Variants in PLCL1 observed in about 807,000 individuals in gnomAD.
PLCL1 encodes inactive phospholipase C-like protein 1.
Under a neutral mutation model 84.4 loss-of-function variants are expected in PLCL1, and 41 were observed. The ratio of observed to expected loss-of-function variants is 0.49; its 90% CI spans 0.38 to 0.63. PLCL1 has a LOEUF of 0.63. PLCL1 is among the 30% of genes least tolerant of loss of function. The pLI, the probability that PLCL1 is intolerant of heterozygous loss-of-function variation, is 0.00. For synonymous variants in PLCL1, 490 were observed against 488.3 expected (o/e 1.00, Z -0.05); for missense variants, 1,206 against 1,367.8 (o/e 0.88, Z 1.87).
intron 1 of PLCL1, among the ~76,000 whole-genome samples, chr2:197,851,842 T>A (rs1294355679): frequency 6.6e-6 from 1 of 152,166 alleles, no homozygotes; most frequent in Non-Finnish European, 1.5e-5. Flanking sequence ...CCTGGCCCCA[T>A]TCCCCTGACT....
At chr2:197,942,446 T>G (rs1291585829) in intron 1 of PLCL1, among the ~76,000 whole-genome samples, 1 of 152,184 alleles carries the variant, frequency 6.6e-6, no homozygotes, top group Non-Finnish European at 1.5e-5. Context: ...CCACTAAAAT[T>G]TATGGTTCTT....
At chr2:197,949,247 C>T (rs1016705846) in intron 1 of PLCL1, among the ~76,000 whole-genome samples, 1 of 152,152 alleles carries the variant, frequency 6.6e-6, no homozygotes, top group African/African-American at 2.4e-5. Context: ...ATCAATTCTA[C>T]AACTAGGGAG....
intron 5 of PLCL1, among the ~76,000 whole-genome samples, chr2:198,134,638 T>C (rs1434472022): frequency 6.6e-6 from 1 of 152,162 alleles, no homozygotes; most frequent in Admixed American, 6.5e-5. Context: ...TTAAAAGCAT[T>C]ATGATTTAGC....
chr2:197,975,791 G>T (rs1224218651), intron 1 of PLCL1, among the ~76,000 whole-genome samples: 1 of 152,030 alleles, frequency 6.6e-6, no homozygotes, highest in African/African-American at 2.4e-5. Context: ...GGCAGCCTGG[G>T]TAACACAGCG....
At chr2:197,861,831 G>T (rs1687438689) in intron 1 of PLCL1, among the ~76,000 whole-genome samples, 1 of 152,174 alleles carries the variant, frequency 6.6e-6, no homozygotes, top group Non-Finnish European at 1.5e-5. Context: ...CAGTATAGGA[G>T]AAACTGACTT....
At chr2:197,895,649 AT>A (rs1436509514) in intron 1 of PLCL1, among the ~76,000 whole-genome samples, 2 of 151,996 alleles carry the variant, frequency 1.3e-5, no homozygotes, top group African/African-American at 4.8e-5. Context: ...TTGCATACAC[AT>A]TTGGTAAATA....
intron 1 of PLCL1, among the ~76,000 whole-genome samples, chr2:197,893,857 G>A (rs1688079727): frequency 6.6e-6 from 1 of 151,998 alleles, no homozygotes; most frequent in Non-Finnish European, 1.5e-5. Flanking sequence ...AGAAGCTGGA[G>A]GTAGGCAGTT....
At chr2:198,061,444 G>A (rs1470367884) in intron 1 of PLCL1, among the ~76,000 whole-genome samples, 4 of 152,094 alleles carry the variant, frequency 2.6e-5, no homozygotes, top group Admixed American at 6.5e-5. Context: ...CAGTGAAGGA[G>A]GGTGGGCAGG....
At chr2:197,867,182 C>A (rs1380043662) in intron 1 of PLCL1, among the ~76,000 whole-genome samples, 2 of 152,144 alleles carry the variant, frequency 1.3e-5, no homozygotes, top group Non-Finnish European at 2.9e-5. Flanking sequence ...AAGGGCATTT[C>A]TGCAATGCCT....
chr2:198,007,790 A>G (rs1690764896), intron 1 of PLCL1, among the ~76,000 whole-genome samples: 2 of 152,150 alleles, frequency 1.3e-5, no homozygotes, highest in Admixed American at 6.6e-5. Context: ...TTCTCAATTT[A>G]TCTATAATTT....
intron 1 of PLCL1, among the ~76,000 whole-genome samples, chr2:197,985,931 G>A (rs1483191116): frequency 6.6e-6 from 1 of 152,176 alleles, no homozygotes; most frequent in African/African-American, 2.4e-5. Flanking sequence ...GAAGTCCAAG[G>A]ATTATCTGTG....
At chr2:198,130,877 A>G (rs1321682411) in intron 5 of PLCL1, among the ~76,000 whole-genome samples, 2 of 151,854 alleles carry the variant, frequency 1.3e-5, no homozygotes, top group Non-Finnish European at 2.9e-5. Flanking sequence ...TCCTTTTCCC[A>G]CTCCATAGCA....
chr2:197,889,208 C>T (rs943522539), intron 1 of PLCL1, among the ~76,000 whole-genome samples: 4 of 152,112 alleles, frequency 2.6e-5, no homozygotes, highest in African/African-American at 4.8e-5. Context: ...CATTGCAGAA[C>T]AAAAGGGAAG....
At chr2:198,108,298 A>G (rs71422670) in intron 5 of PLCL1, among the ~76,000 whole-genome samples, 1,905 of 152,002 alleles carry the variant, frequency 0.013, 17 homozygotes, top group Non-Finnish European at 0.018. Context: ...TGCCTACTGA[A>G]AAAGTTTCCT....
At chr2:197,960,460 G>C (rs1331803218) in intron 1 of PLCL1, among the ~76,000 whole-genome samples, 2 of 152,016 alleles carry the variant, frequency 1.3e-5, no homozygotes, top group African/African-American at 2.4e-5. Context: ...CTTCAACCAG[G>C]ACAAATAGCA....
chr2:198,044,475 C>T (rs1691741229), intron 1 of PLCL1, among the ~76,000 whole-genome samples: 2 of 152,146 alleles, frequency 1.3e-5, no homozygotes, highest in Non-Finnish European at 2.9e-5. Context: ...AGGAATCCTG[C>T]GAAGCTCAAG....
intron 1 of PLCL1, among the ~76,000 whole-genome samples, chr2:198,050,743 T>C (rs2164071): frequency 0.72 from 109,942 of 152,050 alleles, 40,616 homozygotes; most frequent in African/African-American, 0.87. Context: ...CCCCTTCTAG[T>C]TTTTCCCCTA....
chr2:198,114,695 T>C (rs1343304585), intron 5 of PLCL1, among the ~76,000 whole-genome samples: 1 of 151,854 alleles, frequency 6.6e-6, no homozygotes, highest in Non-Finnish European at 1.5e-5. Flanking sequence ...CACAAGCTCC[T>C]TTTCTGATAT....
intron 1 of PLCL1, among the ~76,000 whole-genome samples, chr2:197,923,151 C>T (rs1410064700): frequency 2.1e-5 from 3 of 139,834 alleles, no homozygotes; most frequent in East Asian, 2.2e-4. Flanking sequence ...CCAGTAGGGG[C>T]GGCCGGGCAG....
Sources: allele counts gnomAD v4.1 joint callset (sites outside exome capture counted in the v4.1 genomes callset), GRCh38; gene constraint gnomAD v4.1.1; transcripts MANE v1.5; gene names NCBI Gene and HGNC (gene_info 2026-07-23, HGNC 2026-07-21).